The following ZNF674 variants were observed in gnomAD, a reference collection of about 807,000 sequenced individuals.
The protein encoded by ZNF674 is zinc finger protein 674.
ZNF674 carries 2 observed loss-of-function variants against 7.0 expected under a neutral mutation model. The ratio of observed to expected loss-of-function variants is 0.29; its 90% CI spans 0.12 to 0.90. The LOEUF is 0.90. Ranked by LOEUF, ZNF674 falls within the 40% of genes least tolerant of loss-of-function variation. The pLI, the probability that ZNF674 is intolerant of heterozygous loss-of-function variation, is 0.57. For missense variants in ZNF674, 297 were observed against 415.5 expected (o/e 0.71, Z 2.48); for synonymous variants, 103 against 145.2 (o/e 0.71, Z 2.09).
chrX:46,504,922 C>T (rs938032175), intron 5 of ZNF674, among the ~76,000 whole-genome samples: 28 of 108,995 alleles, frequency 2.6e-4, no homozygotes, highest in Non-Finnish European at 4.4e-4. Flanking sequence ...TGGAGTCTCC[C>T]TCTGTCGCCC....
At position 46,541,673 on chromosome X, in the gene ZNF674, G is replaced by C. The variant is rs754331228; in HGVS notation, c.15+400C>G. On this transcript the variant is annotated intron_variant, in intron 3 of 5. Transcript: ENST00000683375. ...CTCTAAGGAGGAACGTGGTACTGGG[G>C]GGAGAAGAAATAGAAACTTTATTGG... 2.7e-5 allele frequency among the ~76,000 whole-genome samples: 3 copies of C among 112,104 alleles called. No homozygotes were observed. The East Asian group carries it at 8.4e-4, about 31-fold the overall frequency.
In ZNF674 at chrX:46,500,931, C is replaced by G; in HGVS notation, c.643G>C (p.Gly215Arg). ...TCAGTACATTTGTAGAGTTTCTCCCCAGTTTGACTTCTCTGACTTTTTCTA... is the reference window on the plus strand; with the variant it reads ...TCAGTACATTTGTAGAGTTTCTCCCGAGTTTGACTTCTCTGACTTTTTCTA... Reference protein sequence around the residue: ...ALRKSQRSQTGEKLYKCTECG... With the variant: ...ALRKSQRSQTREKLYKCTECG... The change falls in exon 6 of 6, where the codon GGG becomes CGG. Residue 215 changes from glycine to arginine, a missense_variant. By Grantham distance (125) the Gly-to-Arg change is moderately radical (BLOSUM62 -2). Coordinates refer to ENST00000683375, the MANE Select transcript of ZNF674 (RefSeq NM_001190417.2). 8.4e-7 allele frequency: 1 copy of G among 1,191,217 alleles called. No homozygotes were observed. Among genetic ancestry groups the G allele is most frequent in the Admixed American group, 2.4e-5 (1 of 42,001 alleles).
intron 3 of ZNF674, among the ~76,000 whole-genome samples, chrX:46,539,850 A>G (rs1209223532): frequency 8.9e-6 from 1 of 112,559 alleles, no homozygotes; most frequent in Non-Finnish European, 1.9e-5. Flanking sequence ...TGGAATGATC[A>G]TGAAGACAAG....
rs1942212193 is a variant in ZNF674, at chrX:46,537,036, C to T, written c.15+5037G>A. Among the ~76,000 whole-genome samples the T allele has an allele frequency of 1.8e-5, 2 of 111,271 alleles. 1 individual carries two copies. The highest frequency in any genetic ancestry group is 7.4e-4 in the South Asian group (2 of 2,699). ...CTGTAATCCTAGGACTTTGGGAGGCCGAGGCAGGTGGATCAACTGAGGTCA... is the reference window on the plus strand; with the variant it reads ...CTGTAATCCTAGGACTTTGGGAGGCTGAGGCAGGTGGATCAACTGAGGTCA... On this transcript the variant is annotated intron_variant, in intron 3 of 5. Transcript: ENST00000683375.
At position 46,528,800 on chromosome X, in the gene ZNF674, C is replaced by T. The variant is rs766053814; in HGVS notation, c.125G>A (p.Ser42Asn). The change falls in exon 4 of 6, where the codon AGC (serine) becomes AAC (asparagine). Residue 42 changes from serine to asparagine, a missense_variant. Coordinates refer to ENST00000683375, the MANE Select transcript of ZNF674 (RefSeq NM_001190417.2). ...LYRDVMLENY[S>N]HLVSVGHLVG... ...TCCCTCACCCACGGACACCAGGTGG[C>T]TGTAGTTCTCAAGCATGACATCCCT... is the stretch of plus-strand genomic sequence containing the variant. 1.7e-6 allele frequency: 2 copies of T among 1,211,903 alleles called. No individual in the cohort carries two copies. The highest frequency in any genetic ancestry group is 2.2e-6 in the Non-Finnish European group (2 of 895,545).
At chrX:46,542,259 G>T (rs1312976104) in intron 2 of ZNF674, 143 bp from the exon 3 acceptor site, 1 of 366,826 alleles carries the variant, frequency 2.7e-6, no homozygotes, top group African/African-American at 2.5e-5. Context: ...TCCATGGGAC[G>T]CTACTAAGAT....
intron 5 of ZNF674, among the ~76,000 whole-genome samples, chrX:46,501,662 ATGTG>A (rs372308686): frequency 1.2e-4 from 12 of 102,351 alleles, no homozygotes; most frequent in African/African-American, 3.9e-4. Flanking sequence ...TTGTATATAT[ATGTG>A]TGTGTGTGTG....
chrX:46,518,891 T>A (rs750376367), intron 5 of ZNF674, among the ~76,000 whole-genome samples: 228 of 59,827 alleles, frequency 3.8e-3, no homozygotes, highest in African/African-American at 9.8e-3. Context: ...ACTCCGTCTC[T>A]AAATAAATAA....
chrX:46,519,373 T>A (rs1019522825), intron 5 of ZNF674, among the ~76,000 whole-genome samples: 1 of 109,226 alleles, frequency 9.2e-6, no homozygotes, highest in African/African-American at 3.3e-5. Flanking sequence ...TTTGGGAGGC[T>A]GAGGCGGGTG....
At chrX:46,541,487 C>T (rs1291740599) in intron 3 of ZNF674, among the ~76,000 whole-genome samples, 1 of 111,213 alleles carries the variant, frequency 9.0e-6, no homozygotes, top group African/African-American at 3.3e-5. Flanking sequence ...CAAGGAACAC[C>T]ACCCAGGATA....
chrX:46,519,420 C>T (rs1419994417), intron 5 of ZNF674, among the ~76,000 whole-genome samples: 2 of 107,982 alleles, frequency 1.9e-5, no homozygotes, highest in Non-Finnish European at 3.8e-5. Flanking sequence ...CCAGCCTGGC[C>T]AACATGGTGA....
At chrX:46,525,599 A>G (rs5906230) in intron 5 of ZNF674, among the ~76,000 whole-genome samples, 28,728 of 107,088 alleles carry the variant, frequency 0.27, 3,134 homozygotes, top group Middle Eastern at 0.38. Flanking sequence ...TGGGCAACAA[A>G]AGCGAAACTC....
intron 2 of ZNF674, among the ~76,000 whole-genome samples, chrX:46,542,662 T>C (rs1253423695): frequency 1.8e-5 from 2 of 111,212 alleles, no homozygotes; most frequent in Non-Finnish European, 3.8e-5. Flanking sequence ...TAGTGAGCCA[T>C]GATCACGTCC....
rs1265674204 is a variant in ZNF674 at position 46,500,412 on chromosome X, T to C, written c.1162A>G (p.Ser388Gly). The C allele has an allele frequency of 8.3e-7, 1 of 1,210,380 alleles. No individual in the cohort carries two copies. Among genetic ancestry groups the C allele is most frequent in the Non-Finnish European group, 1.1e-6 (1 of 894,260 alleles). The change falls in exon 6 of 6, where the codon AGC (serine) becomes GGC (glycine). Residue 388 changes from serine (S) to glycine (G), a missense_variant. Coordinates refer to ENST00000683375, the MANE Select transcript of ZNF674 (RefSeq NM_001190417.2). ...NIYECSKCGK[S>G]FRGKSHLSVH... ...GAGAGGTGTGACTTTCCTCTGAAGC[T>C]TTTCCCACATTTACTACACTCATAA...
At position 46,530,498 on chromosome X, in the gene ZNF674, A is replaced by G. The variant is rs748681946; in HGVS notation, c.16-1589T>C. On this transcript the variant is annotated intron_variant, in intron 3 of 5. Transcript: ENST00000683375. The stretch of plus-strand genomic sequence containing the variant: ...GGGCCCAGTTACATATCACTGAGTG[A>G]CAATGTGCTCAGAAAACCCCAATCC... Among the ~76,000 whole-genome samples, 60 of 110,831 alleles carry G rather than the reference A, an allele frequency of 5.4e-4. 1 individual carries two copies. Among genetic ancestry groups the G allele is most frequent in the East Asian group, 3.9e-3 (13 of 3,353 alleles).
chrX:46,537,931 A>G (rs913688686), intron 3 of ZNF674, among the ~76,000 whole-genome samples: 5 of 111,460 alleles, frequency 4.5e-5, no homozygotes, highest in African/African-American at 1.6e-4. Context: ...TCTACTAAAA[A>G]TACAAAAATT....
At chrX:46,531,751 T>A (rs1942112223) in intron 3 of ZNF674, among the ~76,000 whole-genome samples, 2 of 111,201 alleles carry the variant, frequency 1.8e-5, no homozygotes. Context: ...CACTAACAGA[T>A]CCTCTGAGTA....
At chrX:46,522,485 C>T (rs1388499525) in intron 5 of ZNF674, among the ~76,000 whole-genome samples, 7 of 110,740 alleles carry the variant, frequency 6.3e-5, no homozygotes, top group Non-Finnish European at 1.1e-4. Flanking sequence ...GGTGACATAA[C>T]GAGACCCCAT....
chrX:46,542,364 T>G (rs775277540), intron 2 of ZNF674, among the ~76,000 whole-genome samples: 1 of 112,039 alleles, frequency 8.9e-6, no homozygotes, highest in Non-Finnish European at 1.9e-5. Flanking sequence ...CAGTAACAAC[T>G]TAACATCTCC....
Sources: gnomAD v4.1 joint callset for allele counts (sites outside exome capture counted in the v4.1 genomes callset) on GRCh38, gnomAD v4.1.1 for gene constraint, MANE v1.5 for transcripts, NCBI Gene and HGNC (gene_info 2026-07-23, HGNC 2026-07-21) for gene names.